PVT1: variants seen among roughly 807,000 people sequenced by gnomAD.
The protein encoded by PVT1 is CXCR4/PVT1 fusion.
At chr8:127,932,462 C>T in intron 3 of PVT1, 1 of 398,620 alleles carries the variant, frequency 2.5e-6, no homozygotes, top group South Asian at 1.3e-4. Flanking sequence ...ATCCTGTCTG[C>T]AGGACTTCGC....
chr8:127,807,773 CTT>C (rs1280585386), intron 2 of PVT1, among the ~76,000 whole-genome samples: 1 of 147,502 alleles, frequency 6.8e-6, no homozygotes, highest in African/African-American at 2.5e-5. Flanking sequence ...TTCTTTTTTT[CTT>C]TTTTTTTTTG....
intron 5 of PVT1, among the ~76,000 whole-genome samples, chr8:128,078,130 G>A (rs1429381730): frequency 5.3e-5 from 8 of 152,150 alleles, no homozygotes; most frequent in Non-Finnish European, 8.8e-5. Context: ...GCCTGTCCAC[G>A]ATTAGAAATG....
chr8:127,889,419 C>T (rs536341693), intron 2 of PVT1, among the ~76,000 whole-genome samples: 15 of 151,502 alleles, frequency 9.9e-5, no homozygotes, highest in South Asian at 6.3e-4. Context: ...CGTGAGCCAC[C>T]GCGCCCAGCC....
chr8:127,814,515 G>C (rs999529889), intron 2 of PVT1, among the ~76,000 whole-genome samples: 1 of 152,224 alleles, frequency 6.6e-6, no homozygotes, highest in African/African-American at 2.4e-5. Flanking sequence ...GCTGGGCAAT[G>C]CTCTAAGTGC....
At chr8:127,993,297 T>C (rs1479725553) in intron 4 of PVT1, among the ~76,000 whole-genome samples, 1 of 152,256 alleles carries the variant, frequency 6.6e-6, no homozygotes, top group Non-Finnish European at 1.5e-5. Context: ...TCCTCCGTGA[T>C]GTCTGCAATG....
intron 3 of PVT1, among the ~76,000 whole-genome samples, chr8:127,944,161 C>T (rs528518698): frequency 6.6e-6 from 1 of 152,256 alleles, no homozygotes; most frequent in Admixed American, 6.5e-5. Flanking sequence ...CATCCTAGTT[C>T]ACTGCATCCT....
chr8:128,054,347 A>G (rs1813739318), intron 4 of PVT1, among the ~76,000 whole-genome samples: 2 of 152,190 alleles, frequency 1.3e-5, no homozygotes, highest in Admixed American at 1.3e-4. Context: ...TTGCTATGGC[A>G]ATGACCTGTG....
At chr8:127,952,117 A>G (rs912866346) in intron 3 of PVT1, among the ~76,000 whole-genome samples, 3 of 152,140 alleles carry the variant, frequency 2.0e-5, no homozygotes, top group Non-Finnish European at 4.4e-5. Context: ...CCTGGCCAAA[A>G]AACAGAATTC....
rs76744028 is a variant in PVT1, at chr8:127,796,054, C to A, written n.355C>A. The A allele has an allele frequency of 1.8e-5, 3 of 170,430 alleles. No individual in the cohort carries two copies. In the East Asian group the frequency reaches 5.8e-4, roughly 33 times the overall value. 10.6% of individuals were successfully genotyped at this position (170,430 alleles called of 1,614,324 possible). On this transcript the variant is annotated non_coding_transcript_exon_variant, in exon 2 of 11. Transcript: ENST00000651587. Reference sequence around the variant, plus strand: ...CTAAAGCTTCGGCACAAGGGCCCAACTGGAATTCCACTTACGGGTATGACT... The same window carrying A: ...CTAAAGCTTCGGCACAAGGGCCCAAATGGAATTCCACTTACGGGTATGACT...
chr8:128,065,193 A>T (rs200522286), intron 4 of PVT1, among the ~76,000 whole-genome samples: 1 of 93,514 alleles, frequency 1.1e-5, no homozygotes, highest in East Asian at 3.3e-4. Context: ...CTTCTTTTTT[A>T]TTTTTTATTT....
chr8:127,804,083 G>T (rs1814499608), intron 2 of PVT1, among the ~76,000 whole-genome samples: 1 of 151,978 alleles, frequency 6.6e-6, no homozygotes, highest in African/African-American at 2.4e-5. Flanking sequence ...ATCTTTGGTG[G>T]CACGCACCTG....
intron 5 of PVT1, among the ~76,000 whole-genome samples, chr8:128,077,333 G>A (rs1011044539): frequency 2.0e-5 from 3 of 152,154 alleles, no homozygotes; most frequent in African/African-American, 7.2e-5. Context: ...GGAGACCAAA[G>A]CTCAGTGCTT....
At chr8:128,076,782 A>T (rs1004709517) in intron 5 of PVT1, among the ~76,000 whole-genome samples, 6 of 152,212 alleles carry the variant, frequency 3.9e-5, no homozygotes, top group Non-Finnish European at 7.3e-5. Context: ...TCATGAACTG[A>T]TGAGGCATCC....
chr8:127,917,764 G>C (rs752189026), intron 3 of PVT1, among the ~76,000 whole-genome samples: 1 of 152,246 alleles, frequency 6.6e-6, no homozygotes, highest in Non-Finnish European at 1.5e-5. Context: ...GGCAGAGTCT[G>C]CCTCTGCAGT....
chr8:128,016,644 C>T (rs1586482697), intron 4 of PVT1, among the ~76,000 whole-genome samples: 1 of 152,232 alleles, frequency 6.6e-6, no homozygotes, highest in African/African-American at 2.4e-5. Context: ...GGAGACAGCA[C>T]GAATTCTCCT....
At position 127,961,744 on chromosome 8, in the gene PVT1, C is replaced by G. The variant is rs138631555; in HGVS notation, n.783-27418C>G. 2.9e-3 allele frequency among the ~76,000 whole-genome samples: 448 copies of G among 152,344 alleles called. 6 individuals carry two copies. The South Asian group carries it at 0.043, about 15-fold the overall frequency. ...TTGCCAGACTAAAAAGTGAAGAAAG[C>G]ACTGGTTTCCTTCCATGGTGTTCCT... is the stretch of plus-strand genomic sequence containing the variant. On this transcript the variant is annotated intron_variant and non_coding_transcript_variant, in intron 3 of 10. Coordinates refer to ENST00000651587, the Ensembl canonical transcript of PVT1.
chr8:127,928,732 G>A (rs1218764452), intron 3 of PVT1, among the ~76,000 whole-genome samples: 1 of 152,174 alleles, frequency 6.6e-6, no homozygotes, highest in Non-Finnish European at 1.5e-5. Flanking sequence ...CTTTGAAAGG[G>A]ACACAGTGCT....
At chr8:127,863,878 G>A (rs990614972) in intron 2 of PVT1, among the ~76,000 whole-genome samples, 1 of 152,172 alleles carries the variant, frequency 6.6e-6, no homozygotes, top group African/African-American at 2.4e-5. Context: ...TTGCTTTGGT[G>A]CCTGGATGAG....
At chr8:127,976,601 G>T (rs1241244550) in intron 3 of PVT1, among the ~76,000 whole-genome samples, 1 of 152,148 alleles carries the variant, frequency 6.6e-6, no homozygotes, top group Non-Finnish European at 1.5e-5. Context: ...TGTGACCTAT[G>T]GTTATAATAA....
Sources: allele counts gnomAD v4.1 joint callset (sites outside exome capture counted in the v4.1 genomes callset), GRCh38; gene constraint gnomAD v4.1.1; transcripts MANE v1.5; gene names NCBI Gene and HGNC (gene_info 2026-07-23, HGNC 2026-07-21).